The following ANK2 variants were observed in gnomAD, a reference collection of about 807,000 sequenced individuals.
ANK2 encodes ankyrin 2, also known as ankyrin-2.
In ANK2, 83 loss-of-function variants were observed where a neutral mutation model predicts 360.5. That is an observed-to-expected ratio of 0.23 (90% confidence interval 0.19 to 0.28). The LOEUF (loss-of-function observed/expected upper bound fraction) is 0.28. Ranked by LOEUF, ANK2 falls within the 10% of genes least tolerant of loss-of-function variation. The pLI is 1.00. For missense variants in ANK2, 4,201 were observed against 4,795.7 expected (o/e 0.88, Z 3.66); for synonymous variants, 1,740 against 1,759.5 (o/e 0.99, Z 0.28).
intron 1 of ANK2, among the ~76,000 whole-genome samples, chr4:113,148,888 C>A (rs1486590892): frequency 6.6e-6 from 1 of 152,158 alleles, no homozygotes; most frequent in Admixed American, 6.5e-5. Context: ...CATGGGCCTA[C>A]CTTGGCAAAA....
rs553086076 is a variant in ANK2, at chr4:112,900,890, G to T, written c.-39-3565G>T. On this transcript the variant is annotated intron_variant, in intron 1 of 30. Transcript: ENST00000503271. ...AGGCTTTATGAAGCAGGAAAACCTA[G>T]ATTTGGTTTTCATTCCTGCCATTGA... Among the ~76,000 whole-genome samples the T allele has an allele frequency of 1.6e-4, 24 of 152,266 alleles. No homozygotes were observed. In the South Asian group the frequency reaches 4.6e-3, roughly 29 times the overall value.
In ANK2 at chr4:112,824,857, T is replaced by C. The variant is rs549607530; in HGVS notation, c.-40+6593T>C. On this transcript the variant is annotated intron_variant, in intron 1 of 30. Coordinates refer to the ANK2 transcript ENST00000503271. The stretch of plus-strand genomic sequence containing the variant: ...ATGGAAAAGAAGCCATGGAATTCTA[T>C]TGCATGGCAACCACACTAGAAAATG... Among the ~76,000 whole-genome samples, 7 of 152,284 alleles carry C rather than the reference T, an allele frequency of 4.6e-5. No homozygotes were observed. In the East Asian group the frequency reaches 5.8e-4, roughly 13 times the overall value.
rs147987259 is a variant in ANK2, at chr4:113,231,821, C to T, written c.385-340C>T. Among the ~76,000 whole-genome samples the T allele has an allele frequency of 5.9e-3, 900 of 152,122 alleles. 11 individuals are homozygous for T. Among genetic ancestry groups the T allele is most frequent in the African/African-American group, 0.02 (841 of 41,498 alleles). On this transcript the variant is annotated intron_variant, in intron 4 of 45. Transcript: ENST00000357077. ...GTTTCACCATTGTCCAGGCAGGTCT[C>T]GAACTCCTGACCTCATGATCCACCC...
chr4:113,159,880 C>T (rs1307835303), intron 1 of ANK2, among the ~76,000 whole-genome samples: 1 of 152,002 alleles, frequency 6.6e-6, no homozygotes, highest in Non-Finnish European at 1.5e-5. Flanking sequence ...CCTCGGCCTC[C>T]TAAAGTGCTG....
intron 2 of ANK2, among the ~76,000 whole-genome samples, chr4:112,984,764 A>G (rs970964908): frequency 6.6e-6 from 1 of 152,214 alleles, no homozygotes; most frequent in African/African-American, 2.4e-5. Flanking sequence ...CTTTGCTGTT[A>G]AAGTTCATTC....
intron 10 of ANK2, 120 bp from the exon 11 acceptor site, chr4:113,255,615 A>T: frequency 1.0e-6 from 1 of 970,710 alleles, no homozygotes; most frequent in Non-Finnish European, 1.6e-6. Flanking sequence ...GTCAAATGGA[A>T]ATTATTTTTT....
At chr4:112,742,396 ATG>A in the ANK2 span, among the ~76,000 whole-genome samples, 69,593 of 149,482 alleles carry the variant, frequency 0.47, 17,329 homozygotes, top group African/African-American at 0.67. Flanking sequence ...ACTGAATTCT[ATG>A]TGTGTGTGTG....
chr4:113,019,225 G>A (rs531699849), intron 2 of ANK2, among the ~76,000 whole-genome samples: 33 of 152,168 alleles, frequency 2.2e-4, no homozygotes, highest in African/African-American at 7.5e-4. Flanking sequence ...TTAATTAAAA[G>A]TTCTTACCAA....
At chr4:112,790,725 G>T in the ANK2 span, among the ~76,000 whole-genome samples, 5 of 152,034 alleles carry the variant, frequency 3.3e-5, no homozygotes, top group African/African-American at 7.2e-5. Context: ...TGGACTAAGC[G>T]ATCCACCCAC....
At chr4:113,012,809 T>TATAC (rs1230092019) in intron 2 of ANK2, among the ~76,000 whole-genome samples, 1 of 152,166 alleles carries the variant, frequency 6.6e-6, no homozygotes, top group African/African-American at 2.4e-5. Flanking sequence ...GTTTATTGAA[T>TATAC]ATACATATCA....
intron 1 of ANK2, among the ~76,000 whole-genome samples, chr4:113,086,662 C>A (rs562561674): frequency 6.6e-6 from 1 of 152,090 alleles, no homozygotes; most frequent in South Asian, 2.1e-4. Flanking sequence ...AAAAAAACCA[C>A]GAAGAAAACT....
intron 37 of ANK2, 81 bp downstream of exon 37, chr4:113,350,330 C>T (rs2095324843): frequency 8.6e-7 from 1 of 1,158,688 alleles, no homozygotes; most frequent in East Asian, 2.4e-5. Flanking sequence ...AAGCTAGTTG[C>T]TATTACTAAC....
the ANK2 span, among the ~76,000 whole-genome samples, chr4:112,719,418 T>A: frequency 6.6e-6 from 1 of 151,966 alleles, no homozygotes; most frequent in African/African-American, 2.4e-5. Context: ...AGATAGAATG[T>A]GATGATTTCA....
At chr4:113,134,196 G>A (rs936406965) in intron 1 of ANK2, among the ~76,000 whole-genome samples, 18 of 151,530 alleles carry the variant, frequency 1.2e-4, no homozygotes, top group African/African-American at 3.4e-4. Flanking sequence ...GGTAGGTTCT[G>A]GCCCAAAGTA....
At chr4:113,041,789 G>A (rs542759829) in intron 2 of ANK2, among the ~76,000 whole-genome samples, 1 of 152,212 alleles carries the variant, frequency 6.6e-6, no homozygotes. Flanking sequence ...TCAAAGTGCA[G>A]GCAGAGTCAG....
chr4:112,864,963 C>T (rs1056455024), intron 1 of ANK2, among the ~76,000 whole-genome samples: 1 of 133,332 alleles, frequency 7.5e-6, no homozygotes, highest in Non-Finnish European at 1.6e-5. Context: ...ACCCAGGAGG[C>T]GGAGCTTGCA....
chr4:112,868,844 T>G (rs1358892252), intron 1 of ANK2, among the ~76,000 whole-genome samples: 1 of 152,198 alleles, frequency 6.6e-6, no homozygotes, highest in Non-Finnish European at 1.5e-5. Context: ...AGTTAAACTA[T>G]TTGTATTTTT....
At chr4:113,127,466 GTT>G (rs5861123) in intron 1 of ANK2, among the ~76,000 whole-genome samples, 8 of 146,376 alleles carry the variant, frequency 5.5e-5, no homozygotes, top group South Asian at 2.2e-4. Context: ...TTCTTTTTTT[GTT>G]TTTTTTTTTA....
chr4:113,018,649 T>C (rs2057280305), intron 2 of ANK2, among the ~76,000 whole-genome samples: 1 of 152,206 alleles, frequency 6.6e-6, no homozygotes, highest in Non-Finnish European at 1.5e-5. Context: ...GCATGGTTTC[T>C]CCTCCTATCA....
Sources: allele counts gnomAD v4.1 joint callset (sites outside exome capture counted in the v4.1 genomes callset), GRCh38; gene constraint gnomAD v4.1.1; transcripts MANE v1.5; gene names NCBI Gene and HGNC (gene_info 2026-07-23, HGNC 2026-07-21).